The following OSBPL3 variants were observed in gnomAD, a reference collection of about 807,000 sequenced individuals.
OSBPL3 encodes oxysterol binding protein like 3, also known as oxysterol-binding protein-related protein 3.
In OSBPL3, 65 loss-of-function variants were observed where a neutral mutation model predicts 120.1. The observed-to-expected ratio is 0.54, with a 90% CI of 0.44 to 0.67. The LOEUF is 0.67. OSBPL3 is among the 30% of genes least tolerant of loss of function. The probability of loss-of-function intolerance (pLI) is 0.00; values close to 1 mark genes in which losing one functional copy is unlikely to be tolerated. For missense variants in OSBPL3, 1,004 were observed against 1,082.1 expected (o/e 0.93, Z 1.01); for synonymous variants, 416 against 402.6 (o/e 1.03, Z -0.40).
At chr7:24,917,405 T>TATATATATTTGTAAC (rs1562924708) in intron 1 of OSBPL3, among the ~76,000 whole-genome samples, 1 of 90,250 alleles carries the variant, frequency 1.1e-5, no homozygotes, top group African/African-American at 5.4e-5. Flanking sequence ...TTGTAACATA[T>TATATATATTTGTAAC]ATATATATAT....
intron 1 of OSBPL3, 147 bp from the exon 2 acceptor site, chr7:24,892,768 T>G: frequency 2.8e-6 from 1 of 362,380 alleles, no homozygotes; most frequent in Non-Finnish European, 4.4e-6. Context: ...AAAAGAAGCT[T>G]TACACCATTC....
chr7:24,827,921 T>C lies in OSBPL3; in HGVS notation c.1884+2847A>G, dbSNP rs907016191. 4.6e-5 allele frequency among the ~76,000 whole-genome samples: 7 copies of C among 152,240 alleles called. No homozygotes were observed. Among genetic ancestry groups the C allele is most frequent in the African/African-American group, 7.2e-5 (3 of 41,466 alleles). On this transcript the variant is annotated intron_variant, in intron 16 of 22. Coordinates refer to ENST00000313367, the MANE Select transcript of OSBPL3 (RefSeq NM_015550.4). The surrounding 1 kb of genome is among the most constrained non-coding windows in gnomAD (Gnocchi z 5.1). Reference sequence around the variant, plus strand: ...GAAGTGGAGATATAGCATATCTTATTTGAACATAAGAAAGTATATATTATA... The same window carrying C: ...GAAGTGGAGATATAGCATATCTTATCTGAACATAAGAAAGTATATATTATA...
chr7:24,812,998 C>A (rs1794027061), intron 19 of OSBPL3, among the ~76,000 whole-genome samples: 1 of 152,194 alleles, frequency 6.6e-6, no homozygotes, highest in Non-Finnish European at 1.5e-5. Context: ...TCTGCCTCAG[C>A]CTCTCCAGCA....
chr7:24,927,576 C>T (rs1357265960), intron 1 of OSBPL3, among the ~76,000 whole-genome samples: 1 of 152,182 alleles, frequency 6.6e-6, no homozygotes, highest in African/African-American at 2.4e-5. Flanking sequence ...AAAATATCCT[C>T]AGGCACAGAA....
intron 10 of OSBPL3, among the ~76,000 whole-genome samples, chr7:24,858,891 T>C (rs1800159343): frequency 6.6e-6 from 1 of 152,208 alleles, no homozygotes; most frequent in South Asian, 2.1e-4. Flanking sequence ...GGCATTATCT[T>C]CTCATTGTTT....
chr7:24,801,370 C>T (rs1287335541), intron 22 of OSBPL3, among the ~76,000 whole-genome samples: 1 of 151,284 alleles, frequency 6.6e-6, no homozygotes, highest in Non-Finnish European at 1.5e-5. Flanking sequence ...AAAGGGTATA[C>T]AGCTTCAAGT....
chr7:24,882,192 T>C (rs1185812101), intron 2 of OSBPL3, among the ~76,000 whole-genome samples: 1 of 152,148 alleles, frequency 6.6e-6, no homozygotes, highest in African/African-American at 2.4e-5. Flanking sequence ...AAGTCAGGGC[T>C]TTCAGGGTAT....
At chr7:24,924,092 A>G (rs1056755681) in intron 1 of OSBPL3, among the ~76,000 whole-genome samples, 1 of 152,232 alleles carries the variant, frequency 6.6e-6, no homozygotes, top group East Asian at 1.9e-4. Context: ...GAAAAAGTGT[A>G]TACAACCTCA....
In OSBPL3 at chr7:24,835,432, G is replaced by A. The variant is rs1196027777; in HGVS notation, c.1496-696C>T. The stretch of plus-strand genomic sequence containing the variant: ...CAAAAAATAACATGCTGGTGAGGCT[G>A]CAGAGAAAAGGGAATACTTATACAC... On this transcript the variant is annotated intron_variant, in intron 14 of 22. Transcript: ENST00000313367. The surrounding 1 kb of genome is among the most constrained non-coding windows in gnomAD (Gnocchi z 4.8). Among the ~76,000 whole-genome samples, 2 of 152,166 alleles carry A rather than the reference G, an allele frequency of 1.3e-5. No individual in the cohort carries two copies. Among genetic ancestry groups the A allele is most frequent in the Non-Finnish European group, 2.9e-5 (2 of 68,028 alleles).
At position 24,897,738 on chromosome 7, in the gene OSBPL3, G is replaced by T. The variant is rs369689383; in HGVS notation, c.-149-5117C>A. Among the ~76,000 whole-genome samples the T allele has an allele frequency of 7.2e-5, 11 of 152,182 alleles. No homozygotes were observed. The East Asian group carries it at 1.9e-3, about 27-fold the overall frequency. On this transcript the variant is annotated intron_variant, in intron 1 of 22. Coordinates refer to ENST00000313367, the MANE Select transcript of OSBPL3 (RefSeq NM_015550.4). ...AGCATTAAAGCAGTGTGCTTACTTT[G>T]GAAGAAGACATAAATGCAGAAAGAT...
chr7:24,806,990 T>C lies in OSBPL3; in HGVS notation c.2318-88A>G. 1.6e-6 allele frequency: 2 copies of C among 1,233,636 alleles called. No homozygotes were observed. Among genetic ancestry groups the C allele is most frequent in the South Asian group, 3.3e-5 (2 of 61,362 alleles). 76.4% of individuals were successfully genotyped at this position (1,233,636 alleles called of 1,614,324 possible). On this transcript the variant is annotated intron_variant, in intron 20 of 22. Coordinates refer to ENST00000313367, the MANE Select transcript of OSBPL3 (RefSeq NM_015550.4). This position sits in a 1 kb window ranked among gnomAD's most constrained non-coding sequence, Gnocchi z 5.2. ...TTCACCTTTTTCGTCTCAGCCTAGC[T>C]ACAATTTTTCTCTCTCAGCTCCCTT...
intron 19 of OSBPL3, among the ~76,000 whole-genome samples, chr7:24,814,401 C>T (rs1439649206): frequency 2.0e-5 from 3 of 151,588 alleles, no homozygotes; most frequent in Non-Finnish European, 4.4e-5. Flanking sequence ...GGCTTCAACT[C>T]TGAGAAAGAT....
At chr7:24,886,028 T>A (rs1310532786) in intron 2 of OSBPL3, among the ~76,000 whole-genome samples, 3 of 152,222 alleles carry the variant, frequency 2.0e-5, no homozygotes, top group African/African-American at 7.2e-5. Flanking sequence ...CCCACTTAGA[T>A]ATTCCTTAAC....
rs183145869 is a variant in OSBPL3 at position 24,847,652 on chromosome 7, G to A, written c.1266+1417C>T. Among the ~76,000 whole-genome samples, 439 of 152,236 alleles carry A rather than the reference G, an allele frequency of 2.9e-3. 1 individual carries two copies. The highest frequency in any genetic ancestry group is 3.4e-3 in the Admixed American group (52 of 15,304). ...TAAATTCATAAAAGCATAAATGAAC[G>A]TTATGTATTTAACTACCTGTTAAAT... On this transcript the variant is annotated intron_variant, in intron 12 of 22. Transcript: ENST00000313367.
At position 24,863,582 on chromosome 7, in the gene OSBPL3, C is replaced by T; in HGVS notation, c.691G>A (p.Ala231Thr). 1 of 1,613,352 alleles carries T rather than the reference C, an allele frequency of 6.2e-7. No homozygotes were observed. The highest frequency in any genetic ancestry group is 8.5e-7 in the Non-Finnish European group (1 of 1,179,276). The change falls in exon 8 of 23, where the codon GCC (alanine) becomes ACC (threonine). Residue 231 changes from alanine to threonine, a missense_variant. By Grantham distance (58) the Ala-to-Thr change is moderately conservative. Transcript: ENST00000313367. This position sits in a 1 kb window ranked among gnomAD's most constrained non-coding sequence, Gnocchi z 5.8. ...KCSKDLAHCH[A>T]YLVEMSQLLQ... ...AGCTGGCTCATTTCTACCAGGTAGG[C>T]ATGACAGTGCGCCAGGTCTGTGGGG...
At chr7:24,960,056 T>C (rs1327935942) in intron 1 of OSBPL3, among the ~76,000 whole-genome samples, 1 of 152,182 alleles carries the variant, frequency 6.6e-6, no homozygotes, top group Non-Finnish European at 1.5e-5. Context: ...AAATGAACCT[T>C]CTGTTGAACT....
chr7:24,838,590 G>T (rs1255878983), intron 14 of OSBPL3, among the ~76,000 whole-genome samples: 1 of 152,170 alleles, frequency 6.6e-6, no homozygotes, highest in Non-Finnish European at 1.5e-5. Context: ...TTCCTGGCTG[G>T]TGTCAACACA....
Position 24,940,820 on chromosome 7 carries a change from T to TTA in OSBPL3, c.-150+39065_-150+39066insTA, listed in dbSNP as rs1425062491. Among the ~76,000 whole-genome samples, 2 of 149,668 alleles carry TTA rather than the reference T, an allele frequency of 1.3e-5. No individual in the cohort carries two copies. Among genetic ancestry groups the TTA allele is most frequent in the African/African-American group, 4.9e-5 (2 of 40,788 alleles). ...CTTAACATTTCTTCCTTTTTTTTCT[T>TTA]TTTTTTTTTGTGTGTGTGTGACGGA... On this transcript the variant is annotated intron_variant, in intron 1 of 22. Coordinates refer to ENST00000313367, the MANE Select transcript of OSBPL3 (RefSeq NM_015550.4). This position sits in a 1 kb window ranked among gnomAD's most constrained non-coding sequence, Gnocchi z 4.4.
intron 1 of OSBPL3, among the ~76,000 whole-genome samples, chr7:24,962,410 G>A (rs1435979666): frequency 7.9e-6 from 1 of 126,072 alleles, no homozygotes; most frequent in East Asian, 2.8e-4. Context: ...AGGGCAGAAG[G>A]GAGGGGAGGG....
Sources: allele counts gnomAD v4.1 joint callset (sites outside exome capture counted in the v4.1 genomes callset), GRCh38; gene constraint gnomAD v4.1.1; non-coding constraint Gnocchi (gnomAD v3.1); transcripts MANE v1.5; gene names NCBI Gene and HGNC (gene_info 2026-07-23, HGNC 2026-07-21).